LSAMP: variants seen among roughly 807,000 people sequenced by gnomAD.
LSAMP encodes limbic system-associated membrane protein.
In LSAMP, 7 loss-of-function variants were observed where a neutral mutation model predicts 38.6. The observed-to-expected ratio is 0.18, with a 90% confidence interval of 0.10 to 0.34. LSAMP has a LOEUF of 0.34. Ranked by LOEUF, LSAMP falls within the 10% of genes least tolerant of loss-of-function variation. The probability of loss-of-function intolerance (pLI) is 1.00; values close to 1 mark genes in which losing one functional copy is unlikely to be tolerated. For missense variants in LSAMP, 313 were observed against 420.0 expected (o/e 0.75, Z 2.23); for synonymous variants, 154 against 166.8 (o/e 0.92, Z 0.59).
At chr3:116,126,490 C>A (rs1055099547) in intron 1 of LSAMP, among the ~76,000 whole-genome samples, 2 of 152,148 alleles carry the variant, frequency 1.3e-5, no homozygotes, top group African/African-American at 4.8e-5. Context: ...TTTTGAGCAC[C>A]TATGTCCACA....
Position 115,809,046 on chromosome 3 carries a change from G to C in LSAMP, c.*1271C>G, listed in dbSNP as rs1301436258. ...CTTTCACTGGGAGTTGACACTTGGAGACCTTCCTGTTTCTGGGGATTTACT... is the reference window on the plus strand; with the variant it reads ...CTTTCACTGGGAGTTGACACTTGGACACCTTCCTGTTTCTGGGGATTTACT... On this transcript the variant is annotated 3_prime_UTR_variant, in exon 7 of 7. Coordinates refer to ENST00000490035, the MANE Select transcript of LSAMP (RefSeq NM_002338.5). 6.6e-6 allele frequency: 1 copy of C among 152,196 alleles called. No homozygotes were observed. The highest frequency in any genetic ancestry group is 1.5e-5 in the Non-Finnish European group (1 of 68,040). 9.4% of individuals were successfully genotyped at this position (152,196 alleles called of 1,614,324 possible).
At chr3:116,272,382 T>G (rs2107671664) in intron 1 of LSAMP, among the ~76,000 whole-genome samples, 1 of 152,268 alleles carries the variant, frequency 6.6e-6, no homozygotes, top group East Asian at 1.9e-4. Flanking sequence ...TAAGTTTCAT[T>G]CATTGTTTGA....
chr3:116,109,611 G>GT (rs747453223), intron 1 of LSAMP, among the ~76,000 whole-genome samples: 1 of 152,110 alleles, frequency 6.6e-6, no homozygotes, highest in Non-Finnish European at 1.5e-5. Context: ...TGAAAGTGCC[G>GT]TTTTCTGGCT....
intron 3 of LSAMP, among the ~76,000 whole-genome samples, chr3:115,961,217 T>C (rs1938615707): frequency 6.6e-6 from 1 of 152,218 alleles, no homozygotes; most frequent in Admixed American, 6.5e-5. Context: ...GATCTTCTCA[T>C]ATTGTCATTT....
intron 1 of LSAMP, among the ~76,000 whole-genome samples, chr3:116,164,760 A>ATATATATTT (rs374542146): frequency 2.3e-4 from 21 of 91,614 alleles, no homozygotes; most frequent in East Asian, 3.1e-4. Flanking sequence ...ATATATATAT[A>ATATATATTT]TTTTTTTTTT....
chr3:116,092,035 C>T (rs760807729), intron 1 of LSAMP, among the ~76,000 whole-genome samples: 9 of 152,122 alleles, frequency 5.9e-5, no homozygotes, highest in Non-Finnish European at 8.8e-5. Flanking sequence ...CTTATTAAGA[C>T]AGTGACCTTC....
intron 1 of LSAMP, among the ~76,000 whole-genome samples, chr3:116,291,018 C>T (rs988065535): frequency 1.9e-4 from 29 of 152,202 alleles, no homozygotes; most frequent in Middle Eastern, 3.4e-3. Flanking sequence ...TTATGTCCAA[C>T]AAGAAACTGT....
At chr3:116,004,032 G>A (rs751554906) in intron 3 of LSAMP, among the ~76,000 whole-genome samples, 2 of 152,162 alleles carry the variant, frequency 1.3e-5, no homozygotes, top group African/African-American at 2.4e-5. Flanking sequence ...ACATTACTGA[G>A]AAAAACTGTG....
At chr3:115,951,869 G>A (rs955709123) in intron 3 of LSAMP, among the ~76,000 whole-genome samples, 1 of 151,788 alleles carries the variant, frequency 6.6e-6, no homozygotes, top group Non-Finnish European at 1.5e-5. Flanking sequence ...TATCCTATTA[G>A]TTGTGTCCTT....
chr3:115,822,430 G>A (rs1321099910), intron 6 of LSAMP, among the ~76,000 whole-genome samples: 3 of 144,276 alleles, frequency 2.1e-5, no homozygotes, highest in East Asian at 2.0e-4. Flanking sequence ...GCCCGATCTC[G>A]GCCCACCACA....
chr3:116,114,795 C>G (rs1217434890), intron 1 of LSAMP, among the ~76,000 whole-genome samples: 2 of 152,212 alleles, frequency 1.3e-5, no homozygotes, highest in Admixed American at 6.5e-5. Flanking sequence ...TGGATCATTC[C>G]TCCATGTAAG....
At chr3:116,269,624 C>A (rs540436237) in intron 1 of LSAMP, among the ~76,000 whole-genome samples, 2 of 152,132 alleles carry the variant, frequency 1.3e-5, no homozygotes, top group South Asian at 2.1e-4. Flanking sequence ...AAATAAGTGA[C>A]CATATAATTT....
At chr3:116,144,694 A>G (rs1443604608) in intron 1 of LSAMP, among the ~76,000 whole-genome samples, 1 of 151,140 alleles carries the variant, frequency 6.6e-6, no homozygotes, top group African/African-American at 2.4e-5. Flanking sequence ...TAAAGTTTTC[A>G]TTTGGCTACA....
chr3:116,245,763 G>A (rs114460563), intron 1 of LSAMP, among the ~76,000 whole-genome samples: 4,025 of 152,224 alleles, frequency 0.026, 67 homozygotes, highest in South Asian at 0.053. Flanking sequence ...TTATCTTAAA[G>A]AGAACCCAAA....
At chr3:116,149,657 A>G (rs1345910095) in intron 1 of LSAMP, among the ~76,000 whole-genome samples, 2 of 151,968 alleles carry the variant, frequency 1.3e-5, no homozygotes, top group Non-Finnish European at 2.9e-5. Flanking sequence ...GTTATCTGAG[A>G]GGTGCCAGCT....
At chr3:115,884,932 G>C (rs1299129523) in intron 3 of LSAMP, among the ~76,000 whole-genome samples, 1 of 151,888 alleles carries the variant, frequency 6.6e-6, no homozygotes, top group African/African-American at 2.4e-5. Flanking sequence ...CAAAGGTCAG[G>C]CAAATTGATT....
intron 1 of LSAMP, among the ~76,000 whole-genome samples, chr3:116,161,592 C>T (rs891642556): frequency 2.0e-5 from 3 of 152,144 alleles, no homozygotes; most frequent in South Asian, 2.1e-4. Context: ...TTGTAGGCTT[C>T]AAGAGCTCCC....
intron 1 of LSAMP, among the ~76,000 whole-genome samples, chr3:116,352,667 A>G (rs1421590291): frequency 1.3e-5 from 2 of 152,156 alleles, no homozygotes; most frequent in Non-Finnish European, 2.9e-5. Flanking sequence ...CAAATAACTG[A>G]AAGTTATCTC....
intron 1 of LSAMP, among the ~76,000 whole-genome samples, chr3:116,088,643 C>A (rs556679005): frequency 5.3e-4 from 81 of 152,252 alleles, no homozygotes; most frequent in African/African-American, 1.9e-3. Context: ...TTTAAATCTT[C>A]TATCATTTTT....
Sources: gnomAD v4.1 joint callset for allele counts (sites outside exome capture counted in the v4.1 genomes callset) on GRCh38, gnomAD v4.1.1 for gene constraint, MANE v1.5 for transcripts, NCBI Gene and HGNC (gene_info 2026-07-23, HGNC 2026-07-21) for gene names.